FKBP1A: variants seen among roughly 807,000 people sequenced by gnomAD.
FKBP1A encodes peptidyl-prolyl cis-trans isomerase FKBP1A.
In FKBP1A, 5 loss-of-function variants were observed where a neutral mutation model predicts 14.2. The observed-to-expected ratio is 0.35, with a 90% CI of 0.18 to 0.74. FKBP1A has a LOEUF of 0.74. Among genes scored for constraint, FKBP1A ranks in the 30% least tolerant of loss-of-function variants. The pLI, the probability that FKBP1A is intolerant of heterozygous loss-of-function variation, is 0.56. For synonymous variants in FKBP1A, 42 were observed against 49.1 expected, an observed-to-expected ratio of 0.86 and a Z score of 0.60; for missense variants, 53 against 138.8, an observed-to-expected ratio of 0.38 and a Z score of 3.10.
intron 2 of FKBP1A, among the ~76,000 whole-genome samples, chr20:1,389,560 C>G (rs1227713267): frequency 6.6e-6 from 1 of 152,188 alleles, no homozygotes; most frequent in Non-Finnish European, 1.5e-5. Context: ...CAGTCAACCT[C>G]CTGAGGACAT....
intron 2 of FKBP1A, among the ~76,000 whole-genome samples, chr20:1,382,061 T>C (rs534473371): frequency 6.6e-6 from 1 of 152,306 alleles, no homozygotes; most frequent in South Asian, 2.1e-4. Flanking sequence ...CAGTGGCATT[T>C]ACTAAAATGC....
At position 1,369,898 on chromosome 20, in the gene FKBP1A, A is replaced by G. The variant is rs1256497160; in HGVS notation, c.*211T>C. 2.1e-6 allele frequency: 2 copies of G among 942,608 alleles called. No individual in the cohort carries two copies. The highest frequency in any genetic ancestry group is 3.4e-5 in the African/African-American group (2 of 59,620). 58.4% of individuals were successfully genotyped at this position (942,608 alleles called of 1,614,324 possible). On this transcript the variant is annotated 3_prime_UTR_variant, in exon 5 of 5. Coordinates refer to ENST00000400137, the MANE Select transcript of FKBP1A (RefSeq NM_000801.5). ...GGTTTATGGCATATAGTTTAGGTAA[A>G]CACACATACGAGGAGAAAGGGGAAG...
In FKBP1A at chr20:1,369,809, T is replaced by C. The variant is rs2089438342; in HGVS notation, c.*300A>G. 2.2e-6 allele frequency: 1 copy of C among 460,696 alleles called. No homozygotes were observed. Among genetic ancestry groups the C allele is most frequent in the Non-Finnish European group, 4.0e-6 (1 of 252,846 alleles). 28.5% of individuals were successfully genotyped at this position (460,696 alleles called of 1,614,324 possible). A position where few individuals can be genotyped will look rare whatever the true frequency, so the allele number is the denominator to read the frequency against. On this transcript the variant is annotated 3_prime_UTR_variant, in exon 5 of 5. Coordinates refer to ENST00000400137, the MANE Select transcript of FKBP1A (RefSeq NM_000801.5). ...GACCATGTACTTAATTGGAAACCTA[T>C]ATCCAAAAGACTGAAACTGAATCTT...
At chr20:1,389,941 G>A (rs1160996368) in intron 2 of FKBP1A, among the ~76,000 whole-genome samples, 1 of 152,168 alleles carries the variant, frequency 6.6e-6, no homozygotes, top group African/African-American at 2.4e-5. Context: ...GCTGGTGATA[G>A]TGAACTTTGT....
intron 2 of FKBP1A, chr20:1,377,562 A>T (rs2089562905): frequency 2.0e-5 from 3 of 152,234 alleles, no homozygotes; most frequent in Admixed American, 2.0e-4. Context: ...TCTATAAATG[A>T]GTACCTGGGA....
chr20:1,388,216 C>A (rs1473270766), intron 2 of FKBP1A, among the ~76,000 whole-genome samples: 1 of 152,200 alleles, frequency 6.6e-6, no homozygotes, highest in Non-Finnish European at 1.5e-5. Flanking sequence ...GATTAAACAT[C>A]CGGTTCAGAA....
At position 1,392,990 on chromosome 20, in the gene FKBP1A, C is replaced by T. The variant is rs1246805081; in HGVS notation, c.9G>A (p.Val3=). 9 of 1,479,718 alleles carry T rather than the reference C, an allele frequency of 6.1e-6. No homozygotes were observed. The highest frequency in any genetic ancestry group is 2.5e-4 in the Middle Eastern group (1 of 4,030). 91.7% of individuals were successfully genotyped at this position (1,479,718 alleles called of 1,614,324 possible). The change falls in exon 1 of 5, where the codon GTG becomes GTA. Residue 3 remains valine (V), a synonymous_variant. Coordinates refer to ENST00000400137, the MANE Select transcript of FKBP1A (RefSeq NM_000801.5). ...CTCCTGGGGAGATGGTTTCCACCTG[C>T]ACTCCCATGGCGGCGGCGGACGCTG... MG[V]QVETISPGDG... is the part of the protein sequence containing the mutation.
At position 1,385,017 on chromosome 20, in the gene FKBP1A, T is replaced by C. The variant is rs545108413; in HGVS notation, c.85+7817A>G. Among the ~76,000 whole-genome samples the C allele has an allele frequency of 2.0e-5, 3 of 152,314 alleles. No individual in the cohort carries two copies. In the South Asian group the frequency reaches 6.2e-4, roughly 32 times the overall value. On this transcript the variant is annotated intron_variant, in intron 2 of 4. Transcript: ENST00000400137. ...CCAGAATGCATGCCCTGTGGGTGTG[T>C]CTCTCCATTTTCCACTTTAATCACA...
chr20:1,371,615 C>CTCT, intron 4 of FKBP1A: 1 of 707,546 alleles, frequency 1.4e-6, no homozygotes, highest in African/African-American at 1.9e-5. Context: ...TAACCACAAA[C>CTCT]CACAGTGAAG....
chr20:1,390,244 G>A (rs1175146324), intron 2 of FKBP1A, among the ~76,000 whole-genome samples: 2 of 151,942 alleles, frequency 1.3e-5, no homozygotes, highest in African/African-American at 4.8e-5. Context: ...TGGATCAAGA[G>A]TGTTCACCTT....
intron 2 of FKBP1A, chr20:1,377,456 A>G (rs1312817678): frequency 1.3e-5 from 2 of 152,244 alleles, no homozygotes; most frequent in Non-Finnish European, 2.9e-5. Flanking sequence ...GTGCCCCAGA[A>G]CTGGTGAGCT....
At chr20:1,374,409 T>TGG (rs764184782) in intron 3 of FKBP1A, 1 of 152,172 alleles carries the variant, frequency 6.6e-6, no homozygotes, top group Non-Finnish European at 1.5e-5. Context: ...GTCTCAGAAG[T>TGG]GGTCTCACAC....
chr20:1,385,487 G>C (rs923146629), intron 2 of FKBP1A, among the ~76,000 whole-genome samples: 5 of 152,062 alleles, frequency 3.3e-5, no homozygotes, highest in African/African-American at 1.2e-4. Flanking sequence ...CATGAGTTCT[G>C]GACCTCTGTT....
chr20:1,391,311 C>T (rs2089733211), intron 2 of FKBP1A, among the ~76,000 whole-genome samples: 3 of 152,274 alleles, frequency 2.0e-5, no homozygotes, highest in Middle Eastern at 6.8e-3. Flanking sequence ...GGTTACTCTC[C>T]TCATCCTTCC....
chr20:1,378,895 A>T (rs1461860738), intron 2 of FKBP1A, among the ~76,000 whole-genome samples: 1 of 152,234 alleles, frequency 6.6e-6, no homozygotes, highest in Admixed American at 6.5e-5. Context: ...CTGATCCGCG[A>T]CAATGGGAAC....
At chr20:1,372,302 A>C (rs1389867127) in intron 3 of FKBP1A, 62 bp from the exon 4 acceptor site, 3 of 1,574,148 alleles carry the variant, frequency 1.9e-6, no homozygotes, top group Non-Finnish European at 2.6e-6. Flanking sequence ...CTCTGTAAGA[A>C]AAAGAGCTGT....
intron 4 of FKBP1A, 31 bp downstream of exon 4, chr20:1,372,045 T>C: frequency 1.2e-6 from 2 of 1,601,190 alleles, no homozygotes; most frequent in Non-Finnish European, 1.7e-6. Flanking sequence ...GCAAAGGCAG[T>C]GAAGGGCCCT....
At chr20:1,391,583 G>A (rs906569069) in intron 2 of FKBP1A, 8 of 398,302 alleles carry the variant, frequency 2.0e-5, no homozygotes, top group African/African-American at 4.1e-5. Context: ...AAAGGGCATG[G>A]GAGGGGGGAT....
chr20:1,380,523 C>T (rs928658105), intron 2 of FKBP1A, among the ~76,000 whole-genome samples: 17 of 152,168 alleles, frequency 1.1e-4, no homozygotes, highest in Non-Finnish European at 1.5e-5. Flanking sequence ...GCAGAATACT[C>T]AGGAAGATCT....
Sources: allele counts gnomAD v4.1 joint callset (sites outside exome capture counted in the v4.1 genomes callset), GRCh38; gene constraint gnomAD v4.1.1; transcripts MANE v1.5; gene names NCBI Gene and HGNC (gene_info 2026-07-23, HGNC 2026-07-21).